HAX1: variants seen among roughly 807,000 people sequenced by gnomAD.
The protein encoded by HAX1 is HCLS1-associated protein X-1.
HAX1 carries 27 observed loss-of-function variants against 31.1 expected under a neutral mutation model. The ratio of observed to expected loss-of-function variants is 0.87; its 90% CI spans 0.64 to 1.20. The LOEUF (loss-of-function observed/expected upper bound fraction) is 1.20, where lower values mean the gene tolerates loss of function less well. Among genes scored for constraint, HAX1 ranks in the 50% most tolerant of loss-of-function variants. HAX1 has a pLI of 0.00. For synonymous variants in HAX1, 114 were observed against 124.1 expected (o/e 0.92, Z 0.54); for missense variants, 357 against 361.6 (o/e 0.99, Z 0.10).
At position 154,272,832 on chromosome 1, in the gene HAX1, C is replaced by T. The variant is rs1684821382; in HGVS notation, c.53+56C>T. ...GGGGTCGTCTGAGGGGAGCTTGACCCCTACGTCTTATTTTTGGAAAAACAT... is the reference window on the plus strand; with the variant it reads ...GGGGTCGTCTGAGGGGAGCTTGACCTCTACGTCTTATTTTTGGAAAAACAT... On this transcript the variant is annotated intron_variant, in intron 1 of 6. Transcript: ENST00000328703. 6.7e-6 allele frequency: 10 copies of T among 1,491,002 alleles called. No homozygotes were observed. In the East Asian group the frequency reaches 2.0e-4, roughly 30 times the overall value. 92.4% of individuals were successfully genotyped at this position (1,491,002 alleles called of 1,614,324 possible).
chr1:154,272,798 A>T, intron 1 of HAX1, 22 bp downstream of exon 1: 1 of 1,611,654 alleles, frequency 6.2e-7, no homozygotes, highest in Non-Finnish European at 8.5e-7. Flanking sequence ...TCCGGCTCGG[A>T]CAAGGGTGGG....
At chr1:154,272,969 C>G (rs989239381) in intron 1 of HAX1, 193 bp downstream of exon 1, 3 of 648,206 alleles carry the variant, frequency 4.6e-6, no homozygotes, top group Non-Finnish European at 8.2e-6. Flanking sequence ...GCAAACTAAG[C>G]CTTTCTCCAA....
At position 154,275,014 on chromosome 1, in the gene HAX1, G is replaced by A. The variant is rs771282580; in HGVS notation, c.556+13G>A. 5.0e-6 allele frequency: 8 copies of A among 1,602,718 alleles called. No individual in the cohort carries two copies. In the African/African-American group the frequency reaches 1.1e-4, roughly 21 times the overall value. ...AGAGAGGACAATGGTAAGTCTGGAGGAAGGGGAAGTTTACCAGCCTTTTGT... is the reference window on the plus strand; with the variant it reads ...AGAGAGGACAATGGTAAGTCTGGAGAAAGGGGAAGTTTACCAGCCTTTTGT... On this transcript the variant is annotated intron_variant, in intron 4 of 6. Coordinates refer to ENST00000328703, the MANE Select transcript of HAX1 (RefSeq NM_006118.4).
rs371368602 is a variant in HAX1 at position 154,273,785 on chromosome 1, C to G, written c.328C>G (p.Pro110Ala). The G allele has an allele frequency of 2.5e-6, 4 of 1,613,998 alleles. No homozygotes were observed. The African/African-American group carries it at 5.3e-5, about 22-fold the overall frequency. Residue 110 changes from proline (P) to alanine (A), a missense_variant, in exon 3 of 7, where the codon CCT becomes GCT. By Grantham distance (27) the Pro-to-Ala change is conservative. Transcript: ENST00000328703. ...LPSHPPELPG[P>A]ESETPGERLR... ...CCACCTTTCTGCAGAACTTCCAGGT[C>G]CTGAGTCAGAGACACCTGGTGAGAG...
rs761421364 is a variant in HAX1, at chr1:154,275,629, A to C, written c.768A>C (p.Pro256=). ...DSSPRGDPES[P]RPPALDDAFS... ...TTTCTTCCTTAGATCCAGAATCACC[A>C]AGACCTCCAGCCCTGGATGATGCCT... Residue 256 remains proline (P), a synonymous_variant, in exon 7 of 7, where the codon CCA becomes CCC. Coordinates refer to ENST00000328703, the MANE Select transcript of HAX1 (RefSeq NM_006118.4). 1 of 1,613,764 alleles carries C rather than the reference A, an allele frequency of 6.2e-7. No homozygotes were observed. The highest frequency in any genetic ancestry group is 8.5e-7 in the Non-Finnish European group (1 of 1,179,676).
Position 154,273,766 on chromosome 1 carries a change from T to C in HAX1, c.317-8T>C. 6.2e-7 allele frequency: 1 copy of C among 1,614,136 alleles called. No homozygotes were observed. The highest frequency in any genetic ancestry group is 8.5e-7 in the Non-Finnish European group (1 of 1,180,016). On this transcript the variant is annotated splice_polypyrimidine_tract_variant and splice_region_variant and intron_variant, in intron 2 of 6. Transcript: ENST00000328703. ...CCATCCCAGCAAACACCTGCCACCT[T>C]TCTGCAGAACTTCCAGGTCCTGAGT...
In HAX1 at chr1:154,273,804, G is replaced by C; in HGVS notation, c.347G>C (p.Gly116Ala). ...ELPGPESETP[G>A]ERLREGQTLR... is the part of the protein sequence containing the mutation. ...CCAGGTCCTGAGTCAGAGACACCTG[G>C]TGAGAGACTACGGGAGGGACAGACA... is the stretch of plus-strand genomic sequence containing the variant. Residue 116 changes from glycine to alanine, a missense_variant, in exon 3 of 7, where the codon GGT becomes GCT. Gly to Ala is a moderately conservative substitution (Grantham distance 60). Coordinates refer to ENST00000328703, the MANE Select transcript of HAX1 (RefSeq NM_006118.4). The C allele has an allele frequency of 6.2e-7, 1 of 1,614,150 alleles. No homozygotes were observed. Among genetic ancestry groups the C allele is most frequent in the Non-Finnish European group, 8.5e-7 (1 of 1,180,032 alleles).
Position 154,275,703 on chromosome 1 carries a change from C to G in HAX1, c.*2C>G. ...GGACGTTGGTTCCGGTCCCGGTAGC[C>G]TTGTTAACCCTCAGAGGCCTTCAAG... On this transcript the variant is annotated 3_prime_UTR_variant, in exon 7 of 7. Coordinates refer to ENST00000328703, the MANE Select transcript of HAX1 (RefSeq NM_006118.4). 5 of 1,607,012 alleles carry G rather than the reference C, an allele frequency of 3.1e-6. No homozygotes were observed. Among genetic ancestry groups the G allele is most frequent in the Non-Finnish European group, 1.7e-6 (2 of 1,173,598 alleles).
intron 4 of HAX1, 40 bp downstream of exon 4, chr1:154,275,041 A>G (rs1397970828): frequency 1.8e-5 from 28 of 1,552,542 alleles, no homozygotes; most frequent in Admixed American, 1.5e-4. Context: ...GCCTTTTGTT[A>G]TTCTTCTGAA....
intron 1 of HAX1, chr1:154,273,017 C>G: frequency 1.6e-6 from 1 of 612,692 alleles, no homozygotes; most frequent in South Asian, 1.9e-5. Context: ...CGGGGAAGAC[C>G]GTGAGGGTCT....
chr1:154,273,665 G>T (rs904794613), intron 2 of HAX1, 67 bp downstream of exon 2: 2 of 1,592,848 alleles, frequency 1.3e-6, no homozygotes, highest in Non-Finnish European at 1.7e-6. Context: ...TAAAGAGCCT[G>T]CAGGGAGTAG....
chr1:154,275,233 T>C lies in HAX1; in HGVS notation c.636T>C (p.Ser212=), dbSNP rs146312637. Residue 212 remains serine, a synonymous_variant, in exon 5 of 7, where the codon TCT becomes TCC. Transcript: ENST00000328703. ...CCAAATCCTATTTCAAGAGCATCTC[T>C]GTGACCAAGATCACTAAACCAGATG... ...PQPKSYFKSI[S]VTKITKPDGI... 10 of 1,613,298 alleles carry C rather than the reference T, an allele frequency of 6.2e-6. No homozygotes were observed. In the East Asian group the frequency reaches 2.2e-4, roughly 36 times the overall value.
chr1:154,275,622 A>G lies in HAX1; in HGVS notation c.761A>G (p.Glu254Gly), dbSNP rs768297725. Reference protein sequence around the residue: ...EADSSPRGDPESPRPPALDDA... With the variant: ...EADSSPRGDPGSPRPPALDDA... ...GTATGACTTTCTTCCTTAGATCCAG[A>G]ATCACCAAGACCTCCAGCCCTGGAT... is the stretch of plus-strand genomic sequence containing the variant. The change falls in exon 7 of 7, where the codon GAA becomes GGA. Residue 254 changes from glutamate to glycine, a missense_variant. Physicochemically the swap from Glu to Gly is moderately conservative, Grantham distance 98. Coordinates refer to ENST00000328703, the MANE Select transcript of HAX1 (RefSeq NM_006118.4). 1.9e-6 allele frequency: 3 copies of G among 1,613,408 alleles called. No homozygotes were observed. The Admixed American group carries it at 5.0e-5, about 27-fold the overall frequency.
intron 3 of HAX1, 32 bp downstream of exon 3, chr1:154,273,993 C>T: frequency 6.4e-7 from 1 of 1,573,360 alleles, no homozygotes; most frequent in Non-Finnish European, 8.7e-7. Flanking sequence ...GAAGTGAGAG[C>T]TTGTGAGAGA....
In HAX1 at chr1:154,273,389, A is replaced by G; in HGVS notation, c.107A>G (p.Glu36Gly). Residue 36 changes from glutamate to glycine, a missense_variant, in exon 2 of 7, where the codon GAA becomes GGA. Coordinates refer to ENST00000328703, the MANE Select transcript of HAX1 (RefSeq NM_006118.4). ...GMTRDEDDDE[E>G]EEEEGGSWGR... ...ACTCGAGATGAAGATGATGATGAGG[A>G]AGAAGAAGAAGAAGGGGGCTCATGG... is the stretch of plus-strand genomic sequence containing the variant. 1 of 1,603,730 alleles carries G rather than the reference A, an allele frequency of 6.2e-7. No individual in the cohort carries two copies. The highest frequency in any genetic ancestry group is 8.5e-7 in the Non-Finnish European group (1 of 1,171,426).
intron 1 of HAX1, 142 bp from the exon 2 acceptor site, chr1:154,273,194 T>C: frequency 1.2e-6 from 1 of 830,114 alleles, no homozygotes; most frequent in East Asian, 2.4e-5. Context: ...ATTGTATTAA[T>C]GTTTTGATGT....
chr1:154,273,352 T>C lies in HAX1; in HGVS notation c.70T>C (p.Phe24Leu). The change falls in exon 2 of 7, where the codon TTT becomes CTT. Residue 24 changes from phenylalanine to leucine, a missense_variant. Physicochemically the swap from Phe to Leu is conservative, Grantham distance 22 (BLOSUM62 0). Coordinates refer to ENST00000328703, the MANE Select transcript of HAX1 (RefSeq NM_006118.4). The stretch of plus-strand genomic sequence containing the variant: ...CACTCTCAGCCACAGAGATCCCTTT[T>C]TTGGAGGGATGACTCGAGATGAAGA... The part of the protein sequence containing the change: ...PGPRSHRDPF[F>L]GGMTRDEDDD... 6.2e-7 allele frequency: 1 copy of C among 1,613,534 alleles called. No homozygotes were observed. Among genetic ancestry groups the C allele is most frequent in the Non-Finnish European group, 8.5e-7 (1 of 1,179,796 alleles).
chr1:154,273,903 C>G lies in HAX1; in HGVS notation c.446C>G (p.Ala149Gly). 1 of 1,614,090 alleles carries G rather than the reference C, an allele frequency of 6.2e-7. No individual in the cohort carries two copies. The highest frequency in any genetic ancestry group is 8.5e-7 in the Non-Finnish European group (1 of 1,180,012). ...TTTGGGGGGGTCTTGGAGAGTGATG[C>G]AAGAAGTGAATCCCCCCAACCAGCA... ...RIFGGVLESD[A>G]RSESPQPAPD... Residue 149 changes from alanine (A) to glycine (G), a missense_variant, in exon 3 of 7, where the codon GCA (alanine) becomes GGA (glycine). Coordinates refer to ENST00000328703, the MANE Select transcript of HAX1 (RefSeq NM_006118.4).
Position 154,275,475 on chromosome 1 carries a change from C to A in HAX1, c.746C>A (p.Pro249His). The A allele has an allele frequency of 6.2e-7, 1 of 1,613,582 alleles. No homozygotes were observed. The highest frequency in any genetic ancestry group is 1.1e-5 in the South Asian group (1 of 91,052). ...TVTRHEADSS[P>H]RGDPESPRPP... ...ACCCGACACGAAGCAGATAGCAGTC[C>A]TAGGGGTGGTAAGTTAAAAGACAAA... Residue 249 changes from proline to histidine, a missense_variant, in exon 6 of 7, where the codon CCT becomes CAT. Physicochemically the swap from Pro to His is moderately conservative, Grantham distance 77 (BLOSUM62 -2). Coordinates refer to ENST00000328703, the MANE Select transcript of HAX1 (RefSeq NM_006118.4).
Sources: allele counts gnomAD v4.1 joint callset, GRCh38; gene constraint gnomAD v4.1.1; transcripts MANE v1.5; gene names NCBI Gene and HGNC (gene_info 2026-07-23, HGNC 2026-07-21).